Variants in CREB5 observed in about 807,000 individuals in gnomAD.
CREB5 encodes cyclic AMP-responsive element-binding protein 5.
Under a neutral mutation model 57.1 loss-of-function variants are expected in CREB5, and 19 were observed. The observed-to-expected ratio is 0.33, with a 90% CI of 0.23 to 0.49. CREB5 has a LOEUF of 0.49. Among genes scored for constraint, CREB5 ranks in the 20% least tolerant of loss-of-function variants. CREB5 has a pLI of 0.99. For synonymous variants in CREB5, 238 were observed against 238.3 expected (o/e 1.00, Z 0.01); for missense variants, 579 against 671.6 (o/e 0.86, Z 1.52).
chr7:28,544,314 G>C (rs997717976), intron 4 of CREB5, among the ~76,000 whole-genome samples: 1 of 152,130 alleles, frequency 6.6e-6, no homozygotes, highest in African/African-American at 2.4e-5. Flanking sequence ...GTTGTATTGA[G>C]AGGCTGGCTA....
chr7:28,742,975 G>C (rs1342223882), intron 7 of CREB5, among the ~76,000 whole-genome samples: 1 of 152,052 alleles, frequency 6.6e-6, no homozygotes, highest in Admixed American at 6.5e-5. Flanking sequence ...GTAGAAATAG[G>C]GTTTCACCAT....
At chr7:28,810,650 C>A (rs897221361) in intron 9 of CREB5, among the ~76,000 whole-genome samples, 2 of 152,008 alleles carry the variant, frequency 1.3e-5, no homozygotes, top group Non-Finnish European at 2.9e-5. Flanking sequence ...GAGCCAAGAT[C>A]GCACCACGGT....
chr7:28,526,869 G>T (rs1793472550), intron 4 of CREB5, among the ~76,000 whole-genome samples: 1 of 152,216 alleles, frequency 6.6e-6, no homozygotes, highest in African/African-American at 2.4e-5. Context: ...TTCTTTGTCA[G>T]AAATGTCACA....
intron 5 of CREB5, among the ~76,000 whole-genome samples, chr7:28,602,283 C>T (rs1313253581): frequency 3.3e-5 from 5 of 152,158 alleles, no homozygotes; most frequent in Non-Finnish European, 7.4e-5. Flanking sequence ...TACACCACCA[C>T]ACCCGGCTAA....
intron 5 of CREB5, among the ~76,000 whole-genome samples, chr7:28,702,222 A>G (rs1324887477): frequency 6.6e-6 from 1 of 152,188 alleles, no homozygotes; most frequent in Non-Finnish European, 1.5e-5. Flanking sequence ...GATGCTTGGG[A>G]ATTTTATATA....
At chr7:28,479,147 G>A (rs888225148) in intron 1 of CREB5, among the ~76,000 whole-genome samples, 1 of 152,086 alleles carries the variant, frequency 6.6e-6, no homozygotes, top group Non-Finnish European at 1.5e-5. Flanking sequence ...TTCTTAATCT[G>A]CCTTTTACCC....
chr7:28,461,932 A>T (rs1041909200), intron 1 of CREB5, among the ~76,000 whole-genome samples: 19 of 152,136 alleles, frequency 1.2e-4, no homozygotes, highest in African/African-American at 4.6e-4. Flanking sequence ...ATCATACAAT[A>T]TGCTCTTTTA....
chr7:28,662,280 A>G (rs141082998), intron 5 of CREB5, among the ~76,000 whole-genome samples: 1 of 152,304 alleles, frequency 6.6e-6, no homozygotes, highest in African/African-American at 2.4e-5. Flanking sequence ...TTTGGACAAG[A>G]CGTTGAAGGG....
intron 1 of CREB5, among the ~76,000 whole-genome samples, chr7:28,331,768 G>C (rs1244972672): frequency 2.7e-5 from 4 of 148,276 alleles, no homozygotes; most frequent in African/African-American, 1.0e-4. Context: ...AGAAGTGCTT[G>C]AACCCAGGAG....
At chr7:28,560,911 T>TGCACGTGTGTGTGC (rs1174704522) in intron 4 of CREB5, among the ~76,000 whole-genome samples, 1 of 36,056 alleles carries the variant, frequency 2.8e-5, no homozygotes, top group Non-Finnish European at 5.1e-5. Context: ...CGCGCGTGCG[T>TGCACGTGTGTGTGC]GTGCGTGTGT....
At chr7:28,399,562 G>A (rs1428462235) in intron 1 of CREB5, among the ~76,000 whole-genome samples, 1 of 152,148 alleles carries the variant, frequency 6.6e-6, no homozygotes, top group Non-Finnish European at 1.5e-5. Context: ...AATAAATAGT[G>A]CTGGGAAAAC....
intron 1 of CREB5, among the ~76,000 whole-genome samples, chr7:28,335,153 T>C (rs1294305572): frequency 6.6e-6 from 1 of 152,226 alleles, no homozygotes. Context: ...TTTGTTCTTT[T>C]TGCTCAGGAT....
intron 5 of CREB5, among the ~76,000 whole-genome samples, chr7:28,688,005 A>G (rs1384237880): frequency 6.6e-6 from 1 of 152,202 alleles, no homozygotes; most frequent in Admixed American, 6.5e-5. Flanking sequence ...CTATGTTTAT[A>G]TCCATGTTCT....
At chr7:28,435,714 C>T (rs756791984) in intron 1 of CREB5, 17 of 955,216 alleles carry the variant, frequency 1.8e-5, no homozygotes, top group East Asian at 1.2e-4. Context: ...GTATAATACT[C>T]GTGTGACAGA....
At chr7:28,707,647 G>A (rs1802185081) in intron 5 of CREB5, among the ~76,000 whole-genome samples, 1 of 152,150 alleles carries the variant, frequency 6.6e-6, no homozygotes, top group Admixed American at 6.5e-5. Context: ...AAGCAAGTCA[G>A]ACAGGGACAA....
At chr7:28,352,156 G>A (rs1786202809) in intron 1 of CREB5, among the ~76,000 whole-genome samples, 1 of 152,176 alleles carries the variant, frequency 6.6e-6, no homozygotes. Context: ...AGAGTCTTTG[G>A]CATTGGGTTG....
At chr7:28,791,609 T>G (rs1807714649) in intron 7 of CREB5, among the ~76,000 whole-genome samples, 1 of 152,246 alleles carries the variant, frequency 6.6e-6, no homozygotes, top group Non-Finnish European at 1.5e-5. Flanking sequence ...TGCAAGGTAC[T>G]GATTTAGGGC....
chr7:28,613,318 C>T (rs972231511), intron 5 of CREB5, among the ~76,000 whole-genome samples: 1 of 152,172 alleles, frequency 6.6e-6, no homozygotes, highest in African/African-American at 2.4e-5. Context: ...ATGGCACTTG[C>T]TGAGGCAGGG....
At chr7:28,575,534 T>A (rs1300943315) in intron 5 of CREB5, among the ~76,000 whole-genome samples, 1 of 152,226 alleles carries the variant, frequency 6.6e-6, no homozygotes, top group Non-Finnish European at 1.5e-5. Context: ...TGTCGCTATC[T>A]ACCACAGGCT....
Sources: gnomAD v4.1 joint callset for allele counts (sites outside exome capture counted in the v4.1 genomes callset) on GRCh38, gnomAD v4.1.1 for gene constraint, MANE v1.5 for transcripts, NCBI Gene and HGNC (gene_info 2026-07-23, HGNC 2026-07-21) for gene names.